FLACC1: variants seen among roughly 807,000 people sequenced by gnomAD.
The protein encoded by FLACC1 is flagellum-associated coiled-coil domain-containing protein 1.
FLACC1 carries 66 observed loss-of-function variants against 62.8 expected under a neutral mutation model. The observed-to-expected ratio is 1.05, with a 90% CI of 0.86 to 1.29. FLACC1 has a LOEUF of 1.29. Among genes scored for constraint, FLACC1 ranks in the 50% most tolerant of loss-of-function variants. FLACC1 has a pLI of 0.00. For missense variants in FLACC1, 452 were observed against 489.1 expected, an observed-to-expected ratio of 0.92 and a Z score of 0.71; for synonymous variants, 156 against 161.0, an observed-to-expected ratio of 0.97 and a Z score of 0.24.
rs550116522 is a variant in FLACC1 at position 201,303,487 on chromosome 2, A to C, written c.879+4032T>G. ...CAGCACCAGACGGATTCACAGCCGAATTCTACCAGAGGTACAAGGAGGAGC... is the reference window on the plus strand; with the variant it reads ...CAGCACCAGACGGATTCACAGCCGACTTCTACCAGAGGTACAAGGAGGAGC... On this transcript the variant is annotated intron_variant, in intron 11 of 14. Transcript: ENST00000392257. Among the ~76,000 whole-genome samples, 7 of 152,336 alleles carry C rather than the reference A, an allele frequency of 4.6e-5. No individual in the cohort carries two copies. The South Asian group carries it at 1.5e-3, about 32-fold the overall frequency.
intron 6 of FLACC1, 84 bp downstream of exon 6, chr2:201,344,086 G>A (rs1308345076): frequency 8.1e-7 from 1 of 1,233,474 alleles, no homozygotes; most frequent in East Asian, 2.3e-5. Context: ...TAAAGTGCTT[G>A]GCATTTTGCC....
At chr2:201,290,509 A>G (rs1432559183) in intron 12 of FLACC1, among the ~76,000 whole-genome samples, 1 of 152,202 alleles carries the variant, frequency 6.6e-6, no homozygotes, top group Non-Finnish European at 1.5e-5. Flanking sequence ...AATGAATAGA[A>G]GCCTGTGCAA....
chr2:201,340,475 A>T (rs939810230), intron 7 of FLACC1, among the ~76,000 whole-genome samples: 24 of 152,240 alleles, frequency 1.6e-4, no homozygotes, highest in African/African-American at 5.8e-4. Context: ...TCAAGCTGAC[A>T]ACAAGTTTAG....
chr2:201,351,505 A>G, intron 1 of FLACC1, 54 bp from the exon 2 acceptor site: 1 of 856,246 alleles, frequency 1.2e-6, no homozygotes, highest in Non-Finnish European at 1.9e-6. Flanking sequence ...CAAAGCAAAA[A>G]TACAGAAGAA....
chr2:201,321,126 C>T (rs780001704), intron 9 of FLACC1, among the ~76,000 whole-genome samples: 44 of 152,222 alleles, frequency 2.9e-4, no homozygotes, highest in Admixed American at 5.9e-4. Context: ...AGGACTCTCA[C>T]AGAGTCTATT....
intron 6 of FLACC1, among the ~76,000 whole-genome samples, chr2:201,343,008 A>C (rs1950842491): frequency 6.6e-6 from 1 of 152,212 alleles, no homozygotes. Context: ...GTCGGTGACC[A>C]CTGTCAGCTA....
Position 201,342,436 on chromosome 2 carries a change from A to C in FLACC1, c.463-5T>G. 6.2e-7 allele frequency: 1 copy of C among 1,614,206 alleles called. No homozygotes were observed. The highest frequency in any genetic ancestry group is 1.1e-5 in the South Asian group (1 of 91,088). On this transcript the variant is annotated splice_region_variant and splice_polypyrimidine_tract_variant and intron_variant, in intron 6 of 14. Coordinates refer to ENST00000392257, the MANE Select transcript of FLACC1 (RefSeq NM_001127391.3). The stretch of plus-strand genomic sequence containing the variant: ...GAGATCCATTTCACTGGAGAGCTGG[A>C]AACAAAATCAGCATCTACAACACAG...
rs1293575821 is a variant in FLACC1 at position 201,351,421 on chromosome 2, G to T, written c.-17C>A. 2 of 1,578,668 alleles carry T rather than the reference G, an allele frequency of 1.3e-6. No homozygotes were observed. The highest frequency in any genetic ancestry group is 1.1e-5 in the South Asian group (1 of 90,228). ...GGGGTACATGGCCAAAGGTCAGGGG[G>T]AGTCTTGGCTGCTAGATCAGGAGGC... On this transcript the variant is annotated 5_prime_UTR_variant, in exon 2 of 15. Transcript: ENST00000392257.
intron 3 of FLACC1, among the ~76,000 whole-genome samples, chr2:201,349,589 T>C (rs1024570994): frequency 6.6e-6 from 1 of 152,154 alleles, no homozygotes; most frequent in African/African-American, 2.4e-5. Context: ...TAATAGGTGG[T>C]CAATAAATAT....
At chr2:201,341,254 T>C (rs952501479) in intron 7 of FLACC1, among the ~76,000 whole-genome samples, 1 of 152,066 alleles carries the variant, frequency 6.6e-6, no homozygotes, top group Non-Finnish European at 1.5e-5. Context: ...CCACCAGGAT[T>C]TCTAAGGCTG....
chr2:201,323,512 G>C (rs1057069427), intron 9 of FLACC1, among the ~76,000 whole-genome samples: 2 of 152,138 alleles, frequency 1.3e-5, no homozygotes, highest in African/African-American at 4.8e-5. Flanking sequence ...GTAATTGAAG[G>C]AGAAATAAAA....
intron 7 of FLACC1, among the ~76,000 whole-genome samples, chr2:201,336,086 G>T (rs1950691172): frequency 1.3e-5 from 2 of 152,110 alleles, no homozygotes; most frequent in Admixed American, 1.3e-4. Context: ...GGGGTTTGGT[G>T]TACAAATGAT....
intron 9 of FLACC1, among the ~76,000 whole-genome samples, chr2:201,313,016 C>T (rs1433194245): frequency 6.6e-6 from 1 of 152,150 alleles, no homozygotes; most frequent in Admixed American, 6.5e-5. Flanking sequence ...ATTTAGAGAA[C>T]CAAGTGAAAT....
chr2:201,350,662 C>G (rs887860838), intron 3 of FLACC1, 49 bp downstream of exon 3: 2 of 768,822 alleles, frequency 2.6e-6, no homozygotes, highest in African/African-American at 3.6e-5. Context: ...GCCTGGGCAA[C>G]AGAGTGAGAC....
chr2:201,291,165 C>T (rs1949725788), intron 12 of FLACC1, among the ~76,000 whole-genome samples: 1 of 152,184 alleles, frequency 6.6e-6, no homozygotes, highest in Non-Finnish European at 1.5e-5. Flanking sequence ...TGTCTGACAG[C>T]TTGAAGAGAG....
Position 201,304,761 on chromosome 2 carries a change from C to G in FLACC1, c.879+2758G>C, listed in dbSNP as rs529402347. 1.3e-3 allele frequency among the ~76,000 whole-genome samples: 195 copies of G among 152,004 alleles called. 1 individual carries two copies. Among genetic ancestry groups the G allele is most frequent in the African/African-American group, 4.3e-3 (178 of 41,460 alleles). Reference sequence around the variant, plus strand: ...TATAGACCAATGGAACAGAACAGAGCCCTCAAAAATAATACCACGCATCTA... The same window carrying G: ...TATAGACCAATGGAACAGAACAGAGGCCTCAAAAATAATACCACGCATCTA... On this transcript the variant is annotated intron_variant, in intron 11 of 14. Coordinates refer to ENST00000392257, the MANE Select transcript of FLACC1 (RefSeq NM_001127391.3).
In FLACC1 at chr2:201,346,610, T is replaced by G. The variant is rs766298401; in HGVS notation, c.300A>C (p.Leu100Phe). 10 of 1,614,220 alleles carry G rather than the reference T, an allele frequency of 6.2e-6. No homozygotes were observed. Among genetic ancestry groups the G allele is most frequent in the African/African-American group, 1.3e-5 (1 of 75,050 alleles). Residue 100 changes from leucine (L) to phenylalanine (F), a missense_variant, in exon 5 of 15, where the codon TTA becomes TTC. Physicochemically the swap from Leu to Phe is conservative, Grantham distance 22. Coordinates refer to ENST00000392257, the MANE Select transcript of FLACC1 (RefSeq NM_001127391.3). The surrounding 1 kb of genome is among the most constrained non-coding windows in gnomAD (Gnocchi z 4.0). ...VRNREQISVT[L>F]GDEMFDRKKR... ...TTTTCCTATCAAACATCTCATCCCC[T>G]AAGGTGACAGAAATCTGTTCCCGAT...
At chr2:201,327,533 T>C (rs1950518593) in intron 9 of FLACC1, among the ~76,000 whole-genome samples, 1 of 152,064 alleles carries the variant, frequency 6.6e-6, no homozygotes, top group African/African-American at 2.4e-5. Flanking sequence ...AAAGAAGATA[T>C]ACAAATGGCC....
At chr2:201,291,734 A>C (rs1196927822) in intron 12 of FLACC1, among the ~76,000 whole-genome samples, 9 of 152,214 alleles carry the variant, frequency 5.9e-5, no homozygotes, top group Admixed American at 6.5e-5. Flanking sequence ...CTCCGAGCTA[A>C]AGGAGAAAGT....
Sources: allele counts gnomAD v4.1 joint callset (sites outside exome capture counted in the v4.1 genomes callset), GRCh38; gene constraint gnomAD v4.1.1; non-coding constraint Gnocchi (gnomAD v3.1); transcripts MANE v1.5; gene names NCBI Gene and HGNC (gene_info 2026-07-23, HGNC 2026-07-21).